The following SIPA1L1 variants were observed in gnomAD, a reference collection of about 807,000 sequenced individuals.
SIPA1L1 encodes signal-induced proliferation-associated 1-like protein 1.
A neutral mutation model predicts 162.7 loss-of-function variants in SIPA1L1; 26 were observed. That is an observed-to-expected ratio of 0.16 (90% CI 0.12 to 0.22). The LOEUF is 0.22. Among genes scored for constraint, SIPA1L1 ranks in the 10% least tolerant of loss-of-function variants. SIPA1L1 has a pLI of 1.00. For missense variants in SIPA1L1, 1,874 were observed against 2,241.0 expected (o/e 0.84, Z 3.31); for synonymous variants, 829 against 837.4 (o/e 0.99, Z 0.17).
intron 4 of SIPA1L1, among the ~76,000 whole-genome samples, chr14:71,577,413 G>A (rs988574302): frequency 4.7e-5 from 7 of 148,512 alleles, no homozygotes; most frequent in Non-Finnish European, 8.9e-5. Context: ...ATCTCACTCC[G>A]TTGCCCAGGC....
chr14:71,567,334 CA>C (rs2030876875), intron 4 of SIPA1L1, among the ~76,000 whole-genome samples: 2 of 152,002 alleles, frequency 1.3e-5, no homozygotes, highest in South Asian at 4.1e-4. Context: ...TTTTTAATAG[CA>C]AAAAATTGGA....
chr14:71,430,193 C>T (rs2043877855), intron 2 of SIPA1L1, among the ~76,000 whole-genome samples: 1 of 152,088 alleles, frequency 6.6e-6, no homozygotes, highest in Non-Finnish European at 1.5e-5. Context: ...ACCACCTCCT[C>T]TAGTTTCCCT....
chr14:71,367,909 CTTTTTTT>C (rs543910059), intron 2 of SIPA1L1, among the ~76,000 whole-genome samples: 1 of 127,026 alleles, frequency 7.9e-6, no homozygotes, highest in Non-Finnish European at 1.7e-5. Context: ...GCCGGCCTTC[CTTTTTTT>C]TTTTTTTTTT....
chr14:71,540,439 G>C (rs1030493384), intron 4 of SIPA1L1, among the ~76,000 whole-genome samples: 3 of 152,180 alleles, frequency 2.0e-5, no homozygotes, highest in African/African-American at 7.2e-5. Flanking sequence ...CCAGCACCTT[G>C]GGAGGCTGAG....
intron 2 of SIPA1L1, among the ~76,000 whole-genome samples, chr14:71,322,461 C>G (rs1156992929): frequency 2.6e-5 from 4 of 152,032 alleles, no homozygotes; most frequent in Admixed American, 1.3e-4. Flanking sequence ...CTACCTTTAC[C>G]AGGATTTAAA....
At chr14:71,474,633 A>AT (rs2142337645) in intron 2 of SIPA1L1, among the ~76,000 whole-genome samples, 1 of 152,324 alleles carries the variant, frequency 6.6e-6, no homozygotes, top group South Asian at 2.1e-4. Flanking sequence ...CAGCCCTGTC[A>AT]TTGTTCAGGT....
rs1299707418 is a variant in SIPA1L1, at chr14:71,709,525, G to GAGAC, written c.4073_4076dup (p.Glu1359AspfsTer67). 6.2e-7 allele frequency: 1 copy of GAGAC among 1,614,210 alleles called. No individual in the cohort carries two copies. The highest frequency in any genetic ancestry group is 8.5e-7 in the Non-Finnish European group (1 of 1,180,040). On this transcript the variant is annotated frameshift_variant, in exon 17 of 24. Coordinates refer to ENST00000381232, the MANE Select transcript of SIPA1L1 (RefSeq NM_001386936.1). LOFTEE classifies it high-confidence loss of function. ...AATCTCCATGGCAGATCGGACTTTG[G>GAGAC]AGACAGAGAGCCACGGCCTGGACCG... is the stretch of plus-strand genomic sequence containing the variant.
At chr14:71,384,427 C>T (rs75492498) in intron 2 of SIPA1L1, among the ~76,000 whole-genome samples, 2,751 of 152,230 alleles carry the variant, frequency 0.018, 34 homozygotes, top group East Asian at 0.028. Flanking sequence ...CACACCCAGC[C>T]GAGAGAACAG....
chr14:71,365,513 C>G lies in SIPA1L1; in HGVS notation c.-465+44332C>G, dbSNP rs150904620. On this transcript the variant is annotated intron_variant, in intron 2 of 23. Coordinates refer to ENST00000381232, the MANE Select transcript of SIPA1L1 (RefSeq NM_001386936.1). ...CGTCTGTGTGCCTTTTCTCACTGCT[C>G]AGTAGTTGTTTGATGACATGGTAGT... Among the ~76,000 whole-genome samples the G allele has an allele frequency of 2.4e-3, 370 of 152,208 alleles. 4 individuals are homozygous for G. Among genetic ancestry groups the G allele is most frequent in the Non-Finnish European group, 4.0e-3 (272 of 68,018 alleles).
At chr14:71,695,785 ACT>A (rs1566672071) in intron 13 of SIPA1L1, among the ~76,000 whole-genome samples, 1 of 152,088 alleles carries the variant, frequency 6.6e-6, no homozygotes, top group African/African-American at 2.4e-5. Context: ...ATGAAGTGAA[ACT>A]CTATTTGAAG....
At chr14:71,330,201 T>A in intron 2 of SIPA1L1, 1 of 594,302 alleles carries the variant, frequency 1.7e-6, no homozygotes. Flanking sequence ...GTTTGGGTAA[T>A]GAAGTTGGTT....
intron 2 of SIPA1L1, chr14:71,330,467 T>G: frequency 6.2e-7 from 1 of 1,605,102 alleles, no homozygotes; most frequent in Non-Finnish European, 8.5e-7. Flanking sequence ...TCCACATCAT[T>G]CACAGCTAGA....
chr14:71,529,508 G>A (rs890763134), intron 4 of SIPA1L1, 138 bp downstream of exon 4: 9 of 514,742 alleles, frequency 1.7e-5, no homozygotes, highest in Non-Finnish European at 3.1e-5. Flanking sequence ...AGATGAAGTC[G>A]TTTGTCATCT....
At chr14:71,335,428 G>T (rs148102610) in intron 2 of SIPA1L1, among the ~76,000 whole-genome samples, 15 of 152,346 alleles carry the variant, frequency 9.8e-5, no homozygotes, top group Admixed American at 3.3e-4. Flanking sequence ...AGTCAGCAAG[G>T]TTCCACTGGG....
intron 2 of SIPA1L1, among the ~76,000 whole-genome samples, chr14:71,328,416 A>G (rs902640521): frequency 6.6e-6 from 1 of 152,178 alleles, no homozygotes; most frequent in African/African-American, 2.4e-5. Flanking sequence ...AATGCTAGAT[A>G]TTGAGGTTGA....
chr14:71,423,328 A>T (rs2043321224), intron 2 of SIPA1L1, among the ~76,000 whole-genome samples: 1 of 152,166 alleles, frequency 6.6e-6, no homozygotes, highest in Non-Finnish European at 1.5e-5. Context: ...TAAAATTTTC[A>T]TGAAGTCCAA....
intron 4 of SIPA1L1, among the ~76,000 whole-genome samples, chr14:71,572,283 G>A (rs2032216304): frequency 6.6e-6 from 1 of 152,152 alleles, no homozygotes; most frequent in Non-Finnish European, 1.5e-5. Context: ...GTTTCAACAT[G>A]AGTGTTGGAG....
chr14:71,421,435 A>C (rs994700333), intron 2 of SIPA1L1, among the ~76,000 whole-genome samples: 1 of 151,888 alleles, frequency 6.6e-6, no homozygotes, highest in South Asian at 2.1e-4. Context: ...CTCTACAAAA[A>C]CGAGAAAAAA....
chr14:71,535,979 CTCT>C (rs2053861660), intron 4 of SIPA1L1, among the ~76,000 whole-genome samples: 1 of 152,108 alleles, frequency 6.6e-6, no homozygotes, highest in South Asian at 2.1e-4. Flanking sequence ...TCTGATGTCC[CTCT>C]TCTTCTGTCT....
Sources: gnomAD v4.1 joint callset for allele counts (sites outside exome capture counted in the v4.1 genomes callset) on GRCh38, gnomAD v4.1.1 for gene constraint, MANE v1.5 for transcripts, NCBI Gene and HGNC (gene_info 2026-07-23, HGNC 2026-07-21) for gene names.